Variants in STX8 observed in about 807,000 individuals in gnomAD.
The protein encoded by STX8 is syntaxin 8.
In STX8, 23 loss-of-function variants were observed where a neutral mutation model predicts 37.5. The observed-to-expected ratio is 0.61, with a 90% CI of 0.44 to 0.87. The LOEUF (loss-of-function observed/expected upper bound fraction) is 0.87. STX8 is among the 40% of genes least tolerant of loss of function. The probability of loss-of-function intolerance (pLI) is 0.00; values close to 1 mark genes in which losing one functional copy is unlikely to be tolerated. For missense variants in STX8, 313 were observed against 284.7 expected (o/e 1.10, Z -0.71); for synonymous variants, 115 against 99.1 (o/e 1.16, Z -0.95).
intron 6 of STX8, chr17:9,452,592 C>T (rs1437794316): frequency 6.6e-6 from 1 of 152,040 alleles, no homozygotes; most frequent in East Asian, 1.9e-4. Context: ...AATGGTCCCC[C>T]AGCCTGGCAG....
chr17:9,306,360 G>T (rs1445483120), intron 7 of STX8, among the ~76,000 whole-genome samples: 1 of 152,176 alleles, frequency 6.6e-6, no homozygotes, highest in South Asian at 2.1e-4. Context: ...ACTTAGGGAA[G>T]GAGAGGGAGT....
chr17:9,562,275 G>A (rs1328952606), intron 2 of STX8, among the ~76,000 whole-genome samples: 5 of 151,722 alleles, frequency 3.3e-5, no homozygotes, highest in African/African-American at 1.2e-4. Flanking sequence ...GCATGGTGGC[G>A]GGCGCCTGTA....
intron 4 of STX8, among the ~76,000 whole-genome samples, chr17:9,509,367 G>A (rs1010774280): frequency 2.6e-5 from 4 of 151,716 alleles, no homozygotes; most frequent in Admixed American, 1.3e-4. Flanking sequence ...TACCAACCAA[G>A]AGAGAATAGG....
chr17:9,484,065 C>T (rs1286992014), intron 6 of STX8, among the ~76,000 whole-genome samples: 1 of 152,180 alleles, frequency 6.6e-6, no homozygotes. Context: ...TAAACATTTT[C>T]TACATGTTCA....
chr17:9,450,085 A>T lies in STX8; in HGVS notation c.541+41744T>A, dbSNP rs568628668. On this transcript the variant is annotated intron_variant, in intron 6 of 7. Transcript: ENST00000306357. ...AAAAAAGATGAAATTTGCTACATGT[A>T]ACTTTTTTTTTGAGATGGAGTCTCG... Among the ~76,000 whole-genome samples, 88 of 152,002 alleles carry T rather than the reference A, an allele frequency of 5.8e-4. 1 individual carries two copies. Among genetic ancestry groups the T allele is most frequent in the African/African-American group, 2.0e-3 (83 of 41,336 alleles).
chr17:9,319,961 A>C (rs1440766878), intron 7 of STX8, among the ~76,000 whole-genome samples: 2 of 151,938 alleles, frequency 1.3e-5, no homozygotes, highest in African/African-American at 4.8e-5. Context: ...AAAATAAATA[A>C]ATAAATAAAT....
chr17:9,567,130 G>A lies in STX8; in HGVS notation c.117+1241C>T, dbSNP rs117335072. On this transcript the variant is annotated intron_variant, in intron 2 of 7. Coordinates refer to ENST00000306357, the MANE Select transcript of STX8 (RefSeq NM_004853.3). ...AACATATGGATACATAGGGGGACAT[G>A]ACACACACTGGGGCCTAGCAGAGGG... Among the ~76,000 whole-genome samples, 53 of 152,246 alleles carry A rather than the reference G, an allele frequency of 3.5e-4. No individual in the cohort carries two copies. The East Asian group carries it at 8.7e-3, about 25-fold the overall frequency.
chr17:9,284,372 G>A (rs1210943985), intron 7 of STX8, among the ~76,000 whole-genome samples: 1 of 152,104 alleles, frequency 6.6e-6, no homozygotes, highest in Non-Finnish European at 1.5e-5. Flanking sequence ...AAGCAAAAAA[G>A]GTTAGGTTTA....
At chr17:9,431,025 T>TTATTTTTC (rs1913946708) in intron 6 of STX8, among the ~76,000 whole-genome samples, 1 of 148,560 alleles carries the variant, frequency 6.7e-6, no homozygotes, top group South Asian at 2.2e-4. Context: ...TGTTGTTGTT[T>TTATTTTTC]TGGTTTTTTT....
intron 6 of STX8, among the ~76,000 whole-genome samples, chr17:9,460,726 T>C (rs1223326245): frequency 1.3e-5 from 2 of 151,692 alleles, no homozygotes; most frequent in Non-Finnish European, 2.9e-5. Context: ...ACAACATATC[T>C]TTATCATGTA....
chr17:9,555,934 G>T (rs952113576), intron 3 of STX8, among the ~76,000 whole-genome samples: 23 of 152,088 alleles, frequency 1.5e-4, no homozygotes, highest in Non-Finnish European at 2.6e-4. Flanking sequence ...CAATGGTGCA[G>T]TGAGTATATT....
intron 6 of STX8, among the ~76,000 whole-genome samples, chr17:9,479,925 C>T (rs1453684561): frequency 1.3e-5 from 2 of 152,148 alleles, no homozygotes; most frequent in South Asian, 2.1e-4. Context: ...AACCATGTTA[C>T]GCTCCTTTGC....
At chr17:9,346,814 T>A (rs1381017837) in intron 7 of STX8, among the ~76,000 whole-genome samples, 2 of 152,130 alleles carry the variant, frequency 1.3e-5, no homozygotes, top group Non-Finnish European at 2.9e-5. Flanking sequence ...GACAGTGACA[T>A]GAAGAGATAT....
chr17:9,466,431 T>C (rs760430222), intron 6 of STX8, among the ~76,000 whole-genome samples: 1 of 152,178 alleles, frequency 6.6e-6, no homozygotes, highest in Non-Finnish European at 1.5e-5. Context: ...ACTAAATTCA[T>C]TAATCGCCCT....
chr17:9,266,361 A>AG (rs1907233066), intron 7 of STX8, among the ~76,000 whole-genome samples: 2 of 152,308 alleles, frequency 1.3e-5, no homozygotes, highest in South Asian at 4.1e-4. Context: ...CCTCCTGGAC[A>AG]GCAGCTCTTC....
At chr17:9,262,490 C>T (rs890996198) in intron 7 of STX8, among the ~76,000 whole-genome samples, 16 of 152,170 alleles carry the variant, frequency 1.1e-4, no homozygotes, top group African/African-American at 3.6e-4. Flanking sequence ...AATCATCCCT[C>T]GGGTTCCTGC....
intron 6 of STX8, among the ~76,000 whole-genome samples, chr17:9,418,836 A>G (rs1033517639): frequency 1.5e-5 from 2 of 137,386 alleles, no homozygotes; most frequent in Non-Finnish European, 3.2e-5. Flanking sequence ...CAAAAAAAAA[A>G]AAAGGGGGGG....
chr17:9,389,759 A>G (rs1481349942), intron 6 of STX8, among the ~76,000 whole-genome samples: 1 of 141,492 alleles, frequency 7.1e-6, no homozygotes, highest in African/African-American at 2.7e-5. Flanking sequence ...ATATTTGAAG[A>G]CAAATGTTAA....
intron 7 of STX8, among the ~76,000 whole-genome samples, chr17:9,270,619 G>A (rs770180205): frequency 4.6e-5 from 7 of 152,152 alleles, no homozygotes; most frequent in Non-Finnish European, 8.8e-5. Context: ...ACAGTACTTG[G>A]CACATAGTAA....
Sources: gnomAD v4.1 joint callset for allele counts (sites outside exome capture counted in the v4.1 genomes callset) on GRCh38, gnomAD v4.1.1 for gene constraint, MANE v1.5 for transcripts, NCBI Gene and HGNC (gene_info 2026-07-23, HGNC 2026-07-21) for gene names.